Variants in CDK13 observed in about 807,000 individuals in gnomAD.
CDK13 encodes the protein cyclin dependent kinase 13.
A neutral mutation model predicts 137.6 loss-of-function variants in CDK13; 40 were observed. The ratio of observed to expected loss-of-function variants is 0.29; its 90% confidence interval spans 0.23 to 0.38. CDK13 has a LOEUF of 0.38. CDK13 is among the 10% of genes least tolerant of loss of function. The pLI is 1.00. For synonymous variants in CDK13, 869 were observed against 760.1 expected (o/e 1.14, Z -2.36); for missense variants, 1,704 against 1,951.8 (o/e 0.87, Z 2.39).
rs754172052 is a variant in CDK13 at position 39,987,797 on chromosome 7, A to C, written c.1410A>C (p.Ala470=). 5 of 1,613,898 alleles carry C rather than the reference A, an allele frequency of 3.1e-6. No individual in the cohort carries two copies. In the East Asian group the frequency reaches 1.1e-4, roughly 36 times the overall value. ...RAAEAARAAE[A]AKAAEATKAA... ...CAGAGGCAGCAAGAGCCGCAGAAGC[A>C]GCGAAAGCTGCAGAAGCAACTAAGG... The change falls in exon 2 of 14, where the codon GCA becomes GCC. Residue 470 remains alanine, a synonymous_variant. Transcript: ENST00000181839.
At chr7:40,091,356 T>A (rs868718024) in intron 12 of CDK13, among the ~76,000 whole-genome samples, 16 of 145,448 alleles carry the variant, frequency 1.1e-4, no homozygotes, top group Middle Eastern at 3.8e-3. Flanking sequence ...TCAAAAAAAA[T>A]AAATAAATAA....
At position 40,062,853 on chromosome 7, in the gene CDK13, T is replaced by G; in HGVS notation, c.2628T>G (p.Thr876=). ...GGCCGTATACTAACAAGGTAATTAC[T>G]TTATGGTACCGTCCACCTGAACTGC... ...ESRPYTNKVI[T]LWYRPPELLL... Residue 876 remains threonine, a synonymous_variant, in exon 8 of 14, where the codon ACT becomes ACG. Coordinates refer to ENST00000181839, the MANE Select transcript of CDK13 (RefSeq NM_003718.5). The G allele has an allele frequency of 6.2e-7, 1 of 1,613,778 alleles. No individual in the cohort carries two copies. Among genetic ancestry groups the G allele is most frequent in the South Asian group, 1.1e-5 (1 of 91,064 alleles).
intron 7 of CDK13, among the ~76,000 whole-genome samples, chr7:40,051,434 A>C (rs1785885815): frequency 6.6e-6 from 1 of 152,166 alleles, no homozygotes; most frequent in Non-Finnish European, 1.5e-5. Context: ...CAAATTTTCT[A>C]GATATTTTTT....
At chr7:40,037,795 TCAAA>T (rs547954848) in intron 5 of CDK13, among the ~76,000 whole-genome samples, 1 of 152,198 alleles carries the variant, frequency 6.6e-6, no homozygotes, top group South Asian at 2.1e-4. Flanking sequence ...TGTAATAATT[TCAAA>T]GTAACAATGC....
intron 5 of CDK13, among the ~76,000 whole-genome samples, chr7:40,031,514 T>G (rs1785378407): frequency 6.6e-6 from 1 of 152,164 alleles, no homozygotes; most frequent in Non-Finnish European, 1.5e-5. Flanking sequence ...AGAGTGAGAC[T>G]CTGTCTCGAA....
At chr7:40,055,148 C>T (rs1785984742) in intron 7 of CDK13, among the ~76,000 whole-genome samples, 1 of 141,818 alleles carries the variant, frequency 7.1e-6, no homozygotes, top group Admixed American at 7.0e-5. Context: ...AATTTAATGG[C>T]AGAAGGACTG....
intron 1 of CDK13, chr7:39,985,400 T>G (rs1474466718): frequency 1.2e-5 from 2 of 163,096 alleles, no homozygotes; most frequent in Non-Finnish European, 2.6e-5. Flanking sequence ...TACTTCCAAA[T>G]CTTGGCTAAT....
intron 1 of CDK13, among the ~76,000 whole-genome samples, chr7:39,967,094 A>G (rs1783889429): frequency 1.3e-5 from 2 of 152,100 alleles, no homozygotes; most frequent in Admixed American, 6.5e-5. Flanking sequence ...GTCTGTTCTC[A>G]GATCTCCAGC....
At chr7:40,001,829 T>G (rs1189363827) in intron 4 of CDK13, 32 bp from the exon 5 acceptor site, 1 of 1,381,370 alleles carries the variant, frequency 7.2e-7, no homozygotes, top group Non-Finnish European at 1.0e-6. Context: ...TTTTGTTAAC[T>G]GGTAACCTGA....
At chr7:40,086,688 T>G (rs1786793779) in intron 11 of CDK13, among the ~76,000 whole-genome samples, 1 of 152,174 alleles carries the variant, frequency 6.6e-6, no homozygotes, top group African/African-American at 2.4e-5. Flanking sequence ...CAGGATTACC[T>G]ATTTTGAAAA....
chr7:40,042,805 G>T (rs995483369), intron 5 of CDK13, among the ~76,000 whole-genome samples: 1 of 150,088 alleles, frequency 6.7e-6, no homozygotes, highest in Non-Finnish European at 1.5e-5. Context: ...TTTGAGACTG[G>T]GTCTGTCTCC....
intron 9 of CDK13, chr7:40,066,737 A>G (rs931127486): frequency 6.6e-6 from 1 of 152,212 alleles, no homozygotes; most frequent in African/African-American, 2.4e-5. Context: ...ATGATGTGTT[A>G]TGGGTGTGGT....
intron 9 of CDK13, chr7:40,070,180 C>A (rs1786382477): frequency 6.6e-6 from 1 of 151,490 alleles, no homozygotes; most frequent in African/African-American, 2.4e-5. Flanking sequence ...GCAGAGCTTG[C>A]AGTCAGCCGA....
At chr7:40,006,829 C>T (rs1486410117) in intron 5 of CDK13, among the ~76,000 whole-genome samples, 1 of 152,050 alleles carries the variant, frequency 6.6e-6, no homozygotes, top group East Asian at 1.9e-4. Context: ...AGTAAAAACT[C>T]GAGTCATTGA....
chr7:40,059,852 C>T (rs771270974), intron 7 of CDK13, among the ~76,000 whole-genome samples: 1 of 152,172 alleles, frequency 6.6e-6, no homozygotes, highest in Non-Finnish European at 1.5e-5. Flanking sequence ...TTTGAAATTA[C>T]ATCAGTGTTT....
chr7:40,069,532 A>G (rs76654402), intron 9 of CDK13: 2 of 304,212 alleles, frequency 6.6e-6, no homozygotes, highest in East Asian at 7.7e-5. Context: ...TTAAATGTAA[A>G]TAAGTTTTCA....
chr7:40,012,565 A>T (rs1213769577), intron 5 of CDK13, among the ~76,000 whole-genome samples: 2 of 152,058 alleles, frequency 1.3e-5, no homozygotes. Context: ...ACTCCATTGC[A>T]CTTCAGCCTG....
chr7:39,954,443 G>A (rs1447975196), intron 1 of CDK13, among the ~76,000 whole-genome samples: 2 of 152,172 alleles, frequency 1.3e-5, no homozygotes, highest in Admixed American at 6.5e-5. Flanking sequence ...ATGGACTGCT[G>A]TGAGTTCCAT....
intron 2 of CDK13, among the ~76,000 whole-genome samples, chr7:39,988,534 T>C (rs1752568711): frequency 6.6e-6 from 1 of 152,158 alleles, no homozygotes; most frequent in African/African-American, 2.4e-5. Flanking sequence ...AATGCCAGTA[T>C]TCTCTTTGGT....
Sources: allele counts gnomAD v4.1 joint callset (sites outside exome capture counted in the v4.1 genomes callset), GRCh38; gene constraint gnomAD v4.1.1; transcripts MANE v1.5; gene names NCBI Gene and HGNC (gene_info 2026-07-23, HGNC 2026-07-21).